Variants in CAPN10 observed in about 807,000 individuals in gnomAD.
The protein encoded by CAPN10 is calpain 10.
A neutral mutation model predicts 78.4 loss-of-function variants in CAPN10; 71 were observed. The ratio of observed to expected loss-of-function variants is 0.91; its 90% CI spans 0.75 to 1.10. The LOEUF is 1.10. Among genes scored for constraint, CAPN10 ranks in the 50% least tolerant of loss-of-function variants. The probability of loss-of-function intolerance (pLI) is 0.00; values close to 1 mark genes in which losing one functional copy is unlikely to be tolerated. For synonymous variants in CAPN10, 437 were observed against 407.2 expected (o/e 1.07, Z -0.88); for missense variants, 849 against 924.6 (o/e 0.92, Z 1.06).
In CAPN10 at chr2:240,593,979, G is replaced by C; in HGVS notation, c.762G>C (p.Gln254His). Residue 254 changes from glutamine to histidine, a missense_variant, in exon 5 of 12, where the codon CAG (glutamine) becomes CAC (histidine). Physicochemically the swap from Gln to His is conservative, Grantham distance 24. Coordinates refer to ENST00000391984, the MANE Select transcript of CAPN10 (RefSeq NM_023083.4). Reference sequence around the variant, plus strand: ...GGGAGCTCCAGGGTCAGGCGGGCCAGTGCATCCTGCTGCTGCGGATCCAGA... The same window carrying C: ...GGGAGCTCCAGGGTCAGGCGGGCCACTGCATCCTGCTGCTGCGGATCCAGA... ...DLRELQGQAG[Q>H]CILLLRIQNP... 6.2e-7 allele frequency: 1 copy of C among 1,611,798 alleles called. No homozygotes were observed. Among genetic ancestry groups the C allele is most frequent in the Non-Finnish European group, 8.5e-7 (1 of 1,178,596 alleles).
At chr2:240,589,951 A>C (rs2093091203) in intron 2 of CAPN10, 2 of 157,600 alleles carry the variant, frequency 1.3e-5, no homozygotes, top group African/African-American at 4.8e-5. Flanking sequence ...GGTTTTCCTT[A>C]CCTGGGAGTG....
chr2:240,597,553 T>C (rs1271724949), intron 9 of CAPN10, among the ~76,000 whole-genome samples: 1 of 152,096 alleles, frequency 6.6e-6, no homozygotes, highest in Non-Finnish European at 1.5e-5. Flanking sequence ...ACCCTCGCTG[T>C]TTGCCCTGGG....
intron 9 of CAPN10, among the ~76,000 whole-genome samples, chr2:240,597,413 T>C (rs539409930): frequency 3.8e-4 from 58 of 152,260 alleles, no homozygotes; most frequent in African/African-American, 1.4e-3. Context: ...CCTTGTCCAC[T>C]TACCCTGACT....
At position 240,598,627 on chromosome 2, in the gene CAPN10, C is replaced by T. The variant is rs372246786; in HGVS notation, c.1990-24C>T. ...AGAAGGGGCGAGTGCCACCGCTGCCCGGGCCCCCCATCTGTCTTTGCAGGT... is the reference window on the plus strand; with the variant it reads ...AGAAGGGGCGAGTGCCACCGCTGCCTGGGCCCCCCATCTGTCTTTGCAGGT... On this transcript the variant is annotated intron_variant, in intron 11 of 11. Coordinates refer to ENST00000391984, the MANE Select transcript of CAPN10 (RefSeq NM_023083.4). The T allele has an allele frequency of 5.9e-5, 92 of 1,570,624 alleles. No individual in the cohort carries two copies. In the African/African-American group the frequency reaches 7.9e-4, roughly 14 times the overall value.
Position 240,598,685 on chromosome 2 carries a change from G to T in CAPN10, c.*5G>T. ...ATGGCAGTGATGAAAACCTAACAGGGTGGCCCCCTGTGCCAGCTCAGGTGA... is the reference window on the plus strand; with the variant it reads ...ATGGCAGTGATGAAAACCTAACAGGTTGGCCCCCTGTGCCAGCTCAGGTGA... On this transcript the variant is annotated 3_prime_UTR_variant, in exon 12 of 12. Transcript: ENST00000391984. The T allele has an allele frequency of 6.4e-7, 1 of 1,572,712 alleles. No individual in the cohort carries two copies. Among genetic ancestry groups the T allele is most frequent in the Non-Finnish European group, 8.6e-7 (1 of 1,159,272 alleles).
Position 240,592,021 on chromosome 2 carries a change from C to T in CAPN10, c.559C>T (p.Leu187=). The change falls in exon 4 of 12, where the codon CTG becomes TTG. Residue 187 remains leucine, a synonymous_variant. Coordinates refer to ENST00000391984, the MANE Select transcript of CAPN10 (RefSeq NM_023083.4). ...CGGCGGCCTGGCAGAAAGATGGAAC[C>T]TGAAGGGCGTAGCAGGAAGCGGAGG... ...LTGGLAERWN[L]KGVAGSGGQQ... The T allele has an allele frequency of 1.9e-6, 3 of 1,613,286 alleles. No homozygotes were observed. The highest frequency in any genetic ancestry group is 1.7e-6 in the Non-Finnish European group (2 of 1,180,000).
chr2:240,588,084 G>A (rs2093079392), intron 1 of CAPN10, among the ~76,000 whole-genome samples: 1 of 152,152 alleles, frequency 6.6e-6, no homozygotes, highest in Non-Finnish European at 1.5e-5. Flanking sequence ...GAAATAGAGG[G>A]TGAGGATAGT....
Position 240,586,832 on chromosome 2 carries a change from C to T in CAPN10, c.-80C>T. The T allele has an allele frequency of 8.1e-7, 1 of 1,233,724 alleles. No homozygotes were observed. The highest frequency in any genetic ancestry group is 1.0e-6 in the Non-Finnish European group (1 of 970,132). The allele number at this position is 1,233,724 out of a possible 1,614,324, so 76.4% of individuals were successfully genotyped here. On this transcript the variant is annotated 5_prime_UTR_variant, in exon 1 of 12. Coordinates refer to ENST00000391984, the MANE Select transcript of CAPN10 (RefSeq NM_023083.4). ...GGGAACGGGCGGGGCGGGCCGGAGG[C>T]GGCGGCGGCTGACTCGCCTTCTCTC... is the stretch of plus-strand genomic sequence containing the variant.
intron 4 of CAPN10, chr2:240,592,773 G>A (rs763774038): frequency 2.0e-4 from 49 of 243,574 alleles, no homozygotes; most frequent in Admixed American, 3.7e-4. Context: ...TGCCACACAC[G>A]CGCTGTCAAA....
intron 1 of CAPN10, 74 bp from the exon 2 acceptor site, chr2:240,589,269 A>G (rs1401164537): frequency 1.5e-5 from 24 of 1,593,880 alleles, no homozygotes; most frequent in African/African-American, 8.1e-5. Context: ...CCTGTCATCT[A>G]GAGCCTTGGG....
intron 3 of CAPN10, 94 bp downstream of exon 3, chr2:240,591,105 C>A: frequency 2.6e-6 from 3 of 1,135,570 alleles, no homozygotes; most frequent in Non-Finnish European, 3.8e-6. Flanking sequence ...TCACTCTGGG[C>A]TGCAGAGCCC....
rs755174264 is a variant in CAPN10, at chr2:240,598,656, C to T, written c.1995C>T (p.Ser665=). 23 of 1,579,252 alleles carry T rather than the reference C, an allele frequency of 1.5e-5. No homozygotes were observed. The highest frequency in any genetic ancestry group is 4.6e-5 in the South Asian group (4 of 86,116). The change falls in exon 12 of 12, where the codon TCC becomes TCT. Residue 665 remains serine, a synonymous_variant. Transcript: ENST00000391984. The part of the protein sequence containing the change: ...EMLGQFLQEV[S]IMAVMKT ...CCCCCCATCTGTCTTTGCAGGTCTC[C>T]ATCATGGCAGTGATGAAAACCTAAC... is the stretch of plus-strand genomic sequence containing the variant.
intron 5 of CAPN10, 36 bp from the exon 6 acceptor site, chr2:240,594,507 C>A (rs771401094): frequency 4.4e-6 from 7 of 1,592,050 alleles, no homozygotes; most frequent in Non-Finnish European, 5.1e-6. Context: ...TACCAGTTCT[C>A]GGGAGGGGCT....
In CAPN10 at chr2:240,598,021, T is replaced by G; in HGVS notation, c.1877T>G (p.Val626Gly). ...CLLPAGTYKV[V>G]PSTYLPDTEG... ...CTGCCTGCGGGCACCTACAAGGTTG[T>G]GCCCTCCACCTACCTGCCGGACACA... is the stretch of plus-strand genomic sequence containing the variant. Residue 626 changes from valine to glycine, a missense_variant, in exon 10 of 12, where the codon GTG (valine) becomes GGG (glycine). Physicochemically the swap from Val to Gly is moderately radical, Grantham distance 109. Transcript: ENST00000391984. 6.2e-7 allele frequency: 1 copy of G among 1,613,256 alleles called. No individual in the cohort carries two copies. The highest frequency in any genetic ancestry group is 2.2e-5 in the East Asian group (1 of 44,866).
chr2:240,588,363 G>T (rs568223764), intron 1 of CAPN10, among the ~76,000 whole-genome samples: 5 of 152,156 alleles, frequency 3.3e-5, no homozygotes, highest in Non-Finnish European at 7.4e-5. Context: ...AAAGAAGAAG[G>T]GGGCCTTGGG....
At chr2:240,598,617 C>G in intron 11 of CAPN10, 34 bp from the exon 12 acceptor site, 1 of 1,566,430 alleles carries the variant, frequency 6.4e-7, no homozygotes, top group Non-Finnish European at 8.7e-7. Context: ...GGGCGAGTGC[C>G]ACCGCTGCCC....
At position 240,597,873 on chromosome 2, in the gene CAPN10, C is replaced by T. The variant is rs1443122474; in HGVS notation, c.1744-15C>T. 7.0e-6 allele frequency: 11 copies of T among 1,576,130 alleles called. No individual in the cohort carries two copies. The Admixed American group carries it at 9.2e-5, about 13-fold the overall frequency. ...CAAGGCTGGCCCCCTCAGTCTGAGC[C>T]TGCGCTTTCCTCAGGTCCCAGAGGG... is the stretch of plus-strand genomic sequence containing the variant. On this transcript the variant is annotated splice_polypyrimidine_tract_variant and intron_variant, in intron 9 of 11. Coordinates refer to ENST00000391984, the MANE Select transcript of CAPN10 (RefSeq NM_023083.4).
rs781528296 is a variant in CAPN10 at position 240,592,059 on chromosome 2, G to A, written c.597G>A (p.Arg199=). 1 of 1,609,928 alleles carries A rather than the reference G, an allele frequency of 6.2e-7. No individual in the cohort carries two copies. Among genetic ancestry groups the A allele is most frequent in the South Asian group, 1.1e-5 (1 of 90,370 alleles). Reference sequence around the variant, plus strand: ...CAGGAAGCGGAGGCCAGCAGGACAGGCCAGGCCGCTGGGAGCACAGGACTT... The same window carrying A: ...CAGGAAGCGGAGGCCAGCAGGACAGACCAGGCCGCTGGGAGCACAGGACTT... ...GVAGSGGQQD[R]PGRWEHRTCR... is the part of the protein sequence containing the mutation. Residue 199 remains arginine, a synonymous_variant, in exon 4 of 12, where the codon AGG becomes AGA. Coordinates refer to ENST00000391984, the MANE Select transcript of CAPN10 (RefSeq NM_023083.4).
In CAPN10 at chr2:240,596,564, G is replaced by C. The variant is rs1333378185; in HGVS notation, c.1481+43G>C. The C allele has an allele frequency of 1.9e-6, 3 of 1,557,902 alleles. No individual in the cohort carries two copies. The South Asian group carries it at 3.6e-5, about 19-fold the overall frequency. ...GTGCTGCTGGCTCTCCGAGGCCACA[G>C]GCCCTTCCAAGGCAGGATTTGGGCA... On this transcript the variant is annotated intron_variant, in intron 8 of 11. Coordinates refer to ENST00000391984, the MANE Select transcript of CAPN10 (RefSeq NM_023083.4).
Sources: gnomAD v4.1 joint callset for allele counts (sites outside exome capture counted in the v4.1 genomes callset) on GRCh38, gnomAD v4.1.1 for gene constraint, MANE v1.5 for transcripts, NCBI Gene and HGNC (gene_info 2026-07-23, HGNC 2026-07-21) for gene names.